Variants in ESF1 observed in about 807,000 individuals in gnomAD.
ESF1 encodes the protein ESF1 nucleolar pre-rRNA processing protein.
Under a neutral mutation model 92.0 loss-of-function variants are expected in ESF1, and 58 were observed. That is an observed-to-expected ratio of 0.63 (90% CI 0.51 to 0.78). The LOEUF is 0.78. Among genes scored for constraint, ESF1 ranks in the 30% least tolerant of loss-of-function variants. The pLI, the probability that ESF1 is intolerant of heterozygous loss-of-function variation, is 0.00. For missense variants in ESF1, 922 were observed against 989.1 expected (o/e 0.93, Z 0.91); for synonymous variants, 321 against 313.7 (o/e 1.02, Z -0.24).
chr20:13,733,067 AG>A (rs2049954151), intron 10 of ESF1, among the ~76,000 whole-genome samples: 1 of 151,476 alleles, frequency 6.6e-6, no homozygotes, highest in Admixed American at 6.6e-5. Context: ...CTGGGATTAC[AG>A]GTGCGCGCCA....
intron 12 of ESF1, 57 bp from the exon 13 acceptor site, chr20:13,717,571 A>T: frequency 6.3e-7 from 1 of 1,594,026 alleles, no homozygotes; most frequent in Admixed American, 1.7e-5. Flanking sequence ...TCCACCCCCA[A>T]AAAGGAGTAT....
intron 11 of ESF1, among the ~76,000 whole-genome samples, chr20:13,722,357 G>C (rs1244472369): frequency 6.6e-6 from 1 of 152,122 alleles, no homozygotes; most frequent in Non-Finnish European, 1.5e-5. Flanking sequence ...TTAGTGAAAA[G>C]ATAAACAATG....
rs556932267 is a variant in ESF1, at chr20:13,776,810, A to G, written c.638-540T>C. 2.6e-5 allele frequency among the ~76,000 whole-genome samples: 4 copies of G among 152,350 alleles called. No homozygotes were observed. In the East Asian group the frequency reaches 7.7e-4, roughly 29 times the overall value. ...GAACAGGAGTTAAATAGTCAAAGTT[A>G]GACTAATAGATGGAAATTTGTTTGA... On this transcript the variant is annotated intron_variant, in intron 2 of 13. Coordinates refer to ENST00000617257, the MANE Select transcript of ESF1 (RefSeq NM_001276380.2).
intron 9 of ESF1, among the ~76,000 whole-genome samples, chr20:13,749,767 A>G (rs1978541811): frequency 6.6e-6 from 1 of 151,662 alleles, no homozygotes; most frequent in African/African-American, 2.4e-5. Context: ...GGGTTTCACC[A>G]TGTTGGCCAG....
intron 2 of ESF1, among the ~76,000 whole-genome samples, chr20:13,777,924 A>T (rs764812981): frequency 6.6e-6 from 1 of 152,246 alleles, no homozygotes; most frequent in Non-Finnish European, 1.5e-5. Context: ...TTATTCACTG[A>T]CCAAATATTT....
chr20:13,753,794 A>G (rs1435738900), intron 9 of ESF1, among the ~76,000 whole-genome samples: 3 of 152,140 alleles, frequency 2.0e-5, no homozygotes, highest in African/African-American at 7.2e-5. Context: ...CACCAGCTGC[A>G]ATCTTTTCAT....
intron 9 of ESF1, among the ~76,000 whole-genome samples, chr20:13,747,090 T>C (rs1169037522): frequency 6.6e-6 from 1 of 152,122 alleles, no homozygotes; most frequent in Non-Finnish European, 1.5e-5. Flanking sequence ...ATCAAGATTG[T>C]GGCTAATTTG....
chr20:13,714,584 CTAGAG>C lies in ESF1; in HGVS notation c.*285_*289del, dbSNP rs1269235296. On this transcript the variant is annotated 3_prime_UTR_variant, in exon 14 of 14. Transcript: ENST00000617257. ...GAATTGTAAACAGCCTTTTAAAAAG[CTAGAG>C]TAACTTTCCACTAGTTAGAACTGAA... 5.0e-6 allele frequency: 1 copy of C among 199,388 alleles called. No individual in the cohort carries two copies. Among genetic ancestry groups the C allele is most frequent in the African/African-American group, 2.3e-5 (1 of 43,162 alleles). The allele number at this position is 199,388 out of a possible 1,614,324, so 12.4% of individuals were successfully genotyped here. A position where few individuals can be genotyped will look rare whatever the true frequency, so the allele number is the denominator to read the frequency against.
intron 7 of ESF1, among the ~76,000 whole-genome samples, chr20:13,769,004 T>C (rs951684798): frequency 7.2e-5 from 11 of 152,144 alleles, no homozygotes; most frequent in Non-Finnish European, 1.6e-4. Context: ...TAAGCATTAA[T>C]GTGACATCTA....
intron 11 of ESF1, among the ~76,000 whole-genome samples, chr20:13,723,374 CA>C (rs2049880852): frequency 6.6e-6 from 1 of 151,832 alleles, no homozygotes; most frequent in South Asian, 2.1e-4. Flanking sequence ...TGCTGCTTTA[CA>C]ATGTTGTAAA....
intron 8 of ESF1, 36 bp downstream of exon 8, chr20:13,766,741 T>C (rs1979443880): frequency 6.2e-7 from 1 of 1,606,040 alleles, no homozygotes; most frequent in African/African-American, 1.3e-5. Flanking sequence ...GCCAAAGACC[T>C]ATGTCCATTA....
intron 9 of ESF1, among the ~76,000 whole-genome samples, chr20:13,757,706 A>G (rs1421825075): frequency 6.6e-6 from 1 of 152,184 alleles, no homozygotes; most frequent in Non-Finnish European, 1.5e-5. Context: ...GCCCGGTTTC[A>G]TAATTATGTT....
chr20:13,745,221 T>TTACAACCAAGAAATTCTACA (rs2050040258), intron 9 of ESF1, among the ~76,000 whole-genome samples: 1 of 152,188 alleles, frequency 6.6e-6, no homozygotes, highest in South Asian at 2.1e-4. Context: ...TACGAGCATG[T>TTACAACCAAGAAATTCTACA]TACAACCAAG....
rs181233165 is a variant in ESF1, at chr20:13,723,101, C to T, written c.2039-4117G>A. On this transcript the variant is annotated intron_variant, in intron 11 of 13. Transcript: ENST00000617257. ...CATCTGTAAAGGAAATTTCATTTCCCATTACTTATAATGTCAGAGACTTGT... is the reference window on the plus strand; with the variant it reads ...CATCTGTAAAGGAAATTTCATTTCCTATTACTTATAATGTCAGAGACTTGT... Among the ~76,000 whole-genome samples the T allele has an allele frequency of 3.6e-3, 554 of 152,232 alleles. 13 individuals are homozygous for T. The highest frequency in any genetic ancestry group is 0.034 in the Admixed American group (516 of 15,296).
intron 9 of ESF1, 105 bp downstream of exon 9, chr20:13,759,587 T>G: frequency 7.0e-7 from 1 of 1,425,554 alleles, no homozygotes; most frequent in Non-Finnish European, 9.2e-7. Context: ...TATGCAAATA[T>G]GATGTTAAGG....
At chr20:13,746,088 C>T (rs547305074) in intron 9 of ESF1, among the ~76,000 whole-genome samples, 1 of 152,206 alleles carries the variant, frequency 6.6e-6, no homozygotes, top group East Asian at 1.9e-4. Flanking sequence ...CCTCAGCCAC[C>T]CAAGTAGCTG....
At chr20:13,757,757 A>G (rs931094052) in intron 9 of ESF1, among the ~76,000 whole-genome samples, 5 of 152,140 alleles carry the variant, frequency 3.3e-5, no homozygotes, top group African/African-American at 2.4e-5. Flanking sequence ...TAGTGTGGGA[A>G]CCTGTATCAT....
intron 9 of ESF1, among the ~76,000 whole-genome samples, chr20:13,747,639 A>T (rs1014071922): frequency 1.5e-4 from 23 of 151,950 alleles, no homozygotes; most frequent in African/African-American, 5.3e-4. Flanking sequence ...GGTAATAGAG[A>T]ATCAAAATAA....
chr20:13,779,237 C>T (rs540081931), intron 2 of ESF1, among the ~76,000 whole-genome samples: 1 of 151,786 alleles, frequency 6.6e-6, no homozygotes, highest in African/African-American at 2.4e-5. Context: ...ACCAAAAAAA[C>T]TGCTTTACCA....
Sources: allele counts gnomAD v4.1 joint callset (sites outside exome capture counted in the v4.1 genomes callset), GRCh38; gene constraint gnomAD v4.1.1; transcripts MANE v1.5; gene names NCBI Gene and HGNC (gene_info 2026-07-23, HGNC 2026-07-21).